Variants in DCAF6 observed in about 807,000 individuals in gnomAD.
DCAF6 encodes DDB1- and CUL4-associated factor 6.
In DCAF6, 54 loss-of-function variants were observed where a neutral mutation model predicts 125.1. That is an observed-to-expected ratio of 0.43 (90% CI 0.35 to 0.54). The LOEUF is 0.54. Among genes scored for constraint, DCAF6 ranks in the 20% least tolerant of loss-of-function variants. DCAF6 has a pLI of 0.01. For missense variants in DCAF6, 934 were observed against 1,161.7 expected (o/e 0.80, Z 2.85); for synonymous variants, 371 against 390.4 (o/e 0.95, Z 0.58).
Position 168,015,928 on chromosome 1 carries a change from C to A in DCAF6, c.1526C>A (p.Ser509Tyr). 6.6e-7 allele frequency: 1 copy of A among 1,517,268 alleles called. No individual in the cohort carries two copies. Among genetic ancestry groups the A allele is most frequent in the Non-Finnish European group, 8.8e-7 (1 of 1,131,032 alleles). 94.0% of individuals were successfully genotyped at this position (1,517,268 alleles called of 1,614,324 possible). A position where few individuals can be genotyped will look rare whatever the true frequency, so the allele number is the denominator to read the frequency against. ...TCTGATCAGTCTTCTCATGAGGGCT[C>A]TTCACAGGACCCTCATGCTTCAGGT... ...STSDQSSHEG[S>Y]SQDPHASDSP... Residue 509 changes from serine (S) to tyrosine (Y), a missense_variant, in exon 11 of 22, where the codon TCT becomes TAT. Ser to Tyr is a moderately radical substitution (Grantham distance 144, BLOSUM62 -2). Around this residue, in one of 5 missense-constraint regions of DCAF6, gnomAD observed 559 missense variants for 635.5 expected, o/e 0.88. Coordinates refer to ENST00000367840, the MANE Select transcript of DCAF6 (RefSeq NM_001198956.2).
At chr1:167,951,970 G>A in intron 2 of DCAF6, 109 bp downstream of exon 2, 1 of 622,934 alleles carries the variant, frequency 1.6e-6, no homozygotes, top group Non-Finnish European at 2.8e-6. Flanking sequence ...AATAAAATGG[G>A]AGAATAAAGT....
the DCAF6 span, among the ~76,000 whole-genome samples, chr1:167,882,133 C>T: frequency 6.6e-6 from 1 of 152,220 alleles, no homozygotes; most frequent in Non-Finnish European, 1.5e-5. Flanking sequence ...GAAATCAATT[C>T]TCACATATGC....
intron 4 of DCAF6, among the ~76,000 whole-genome samples, chr1:167,980,368 T>A (rs1193054838): frequency 1.3e-5 from 2 of 148,886 alleles, no homozygotes; most frequent in Non-Finnish European, 2.9e-5. Context: ...ATATGGTAAT[T>A]CCATTTTTAA....
chr1:168,006,845 G>A (rs932369716), intron 10 of DCAF6, among the ~76,000 whole-genome samples: 2 of 152,008 alleles, frequency 1.3e-5, no homozygotes, highest in East Asian at 1.9e-4. Context: ...TCAAAGAAAC[G>A]GACAATGGGA....
intron 8 of DCAF6, among the ~76,000 whole-genome samples, chr1:168,003,235 T>C (rs989197690): frequency 1.3e-5 from 2 of 152,150 alleles, no homozygotes; most frequent in Non-Finnish European, 2.9e-5. Context: ...TTTTAAATTA[T>C]AAGACTATAG....
At chr1:167,924,384 G>C in the DCAF6 span, 2 of 786,092 alleles carry the variant, frequency 2.5e-6, no homozygotes, top group South Asian at 1.9e-5. Flanking sequence ...AAATCATCTA[G>C]AGGCATACCA....
intron 7 of DCAF6, among the ~76,000 whole-genome samples, chr1:167,996,205 GGT>G (rs1395462460): frequency 4.0e-5 from 6 of 151,012 alleles, no homozygotes; most frequent in African/African-American, 1.5e-4. Flanking sequence ...TTCTTTCTTT[GGT>G]TCATTCTTTT....
chr1:167,953,454 G>T (rs1264177356), intron 2 of DCAF6, among the ~76,000 whole-genome samples: 1 of 151,852 alleles, frequency 6.6e-6, no homozygotes, highest in Admixed American at 6.6e-5. Flanking sequence ...CTACACTTTT[G>T]CCCCCCTGCC....
intron 14 of DCAF6, among the ~76,000 whole-genome samples, chr1:168,043,916 T>C (rs1471997950): frequency 6.6e-6 from 1 of 152,142 alleles, no homozygotes; most frequent in African/African-American, 2.4e-5. Flanking sequence ...TTTTACCAAA[T>C]ACATGATAGA....
chr1:167,870,052 C>T, the DCAF6 span, among the ~76,000 whole-genome samples: 3 of 152,228 alleles, frequency 2.0e-5, no homozygotes, highest in African/African-American at 7.2e-5. Flanking sequence ...GGCATTAAAT[C>T]AGGATATCCA....
chr1:168,035,939 A>G (rs572695507), intron 12 of DCAF6, among the ~76,000 whole-genome samples: 1 of 152,034 alleles, frequency 6.6e-6, no homozygotes, highest in Non-Finnish European at 1.5e-5. Flanking sequence ...GTGGGTGCCT[A>G]TAACCCCAGC....
intron 4 of DCAF6, among the ~76,000 whole-genome samples, chr1:167,978,579 ATTAAT>A (rs1292938156): frequency 2.0e-5 from 3 of 151,568 alleles, no homozygotes; most frequent in South Asian, 2.1e-4. Flanking sequence ...TTTTGTTATT[ATTAAT>A]TTATAGGAGT....
the DCAF6 span, among the ~76,000 whole-genome samples, chr1:167,911,534 CTT>C: frequency 6.6e-6 from 1 of 152,210 alleles, no homozygotes; most frequent in Admixed American, 6.5e-5. Flanking sequence ...ACCTTTGCCT[CTT>C]TTAAAAGTTC....
chr1:167,870,300 TC>T, the DCAF6 span: 12 of 1,613,984 alleles, frequency 7.4e-6, no homozygotes, highest in Non-Finnish European at 1.0e-5. Flanking sequence ...TTCATAAGTA[TC>T]TGGCTTTTTC....
chr1:167,995,924 G>T (rs1386745972), intron 7 of DCAF6, among the ~76,000 whole-genome samples: 1 of 152,010 alleles, frequency 6.6e-6, no homozygotes. Flanking sequence ...TCTTACTTAA[G>T]GAATTCACAG....
At chr1:167,978,235 T>C (rs1236464593) in intron 4 of DCAF6, among the ~76,000 whole-genome samples, 4 of 152,256 alleles carry the variant, frequency 2.6e-5, no homozygotes, top group Admixed American at 2.6e-4. Flanking sequence ...GGTGTATACT[T>C]AGCAGTAAAA....
intron 12 of DCAF6, among the ~76,000 whole-genome samples, chr1:168,037,281 T>TA (rs917649683): frequency 5.3e-4 from 80 of 151,330 alleles, no homozygotes; most frequent in South Asian, 4.2e-4. Context: ...GATCCAATAA[T>TA]AAAAAAAAAT....
intron 4 of DCAF6, among the ~76,000 whole-genome samples, chr1:167,984,316 T>A (rs1281521889): frequency 2.0e-5 from 3 of 152,206 alleles, no homozygotes; most frequent in Non-Finnish European, 4.4e-5. Context: ...TGAGGAAAGG[T>A]TCCTAAATGA....
intron 1 of DCAF6, among the ~76,000 whole-genome samples, chr1:167,943,512 T>A (rs999651551): frequency 6.6e-6 from 1 of 152,242 alleles, no homozygotes; most frequent in Non-Finnish European, 1.5e-5. Flanking sequence ...ATGATATTTT[T>A]ATTTATTTTT....
Sources: gnomAD v4.1 joint callset for allele counts (sites outside exome capture counted in the v4.1 genomes callset) on GRCh38, gnomAD v4.1.1 for gene constraint, gnomAD v4.1.1 regional missense constraint, MANE v1.5 for transcripts, NCBI Gene and HGNC (gene_info 2026-07-23, HGNC 2026-07-21) for gene names.